The following BLVRB variants were observed in gnomAD, a reference collection of about 807,000 sequenced individuals.
BLVRB encodes flavin reductase (NADPH).
In BLVRB, 25 loss-of-function variants were observed where a neutral mutation model predicts 21.1. The ratio of observed to expected loss-of-function variants is 1.19; its 90% confidence interval spans 0.86 to 1.66. BLVRB has a LOEUF of 1.66. Ranked by LOEUF, BLVRB falls within the 40% of genes most tolerant of loss-of-function variation. BLVRB has a pLI of 0.00. For synonymous variants in BLVRB, 128 were observed against 122.2 expected (o/e 1.05, Z -0.31); for missense variants, 274 against 282.7 (o/e 0.97, Z 0.22).
At chr19:40,455,134 A>C (rs1240909267) in intron 3 of BLVRB, among the ~76,000 whole-genome samples, 4 of 152,184 alleles carry the variant, frequency 2.6e-5, no homozygotes, top group Non-Finnish European at 5.9e-5. Context: ...GGCGTGAGCC[A>C]CTGTGCCTGG....
chr19:40,458,036 C>T (rs1437330767), intron 3 of BLVRB, 119 bp downstream of exon 3: 1 of 989,998 alleles, frequency 1.0e-6, no homozygotes, highest in Non-Finnish European at 1.5e-6. Flanking sequence ...AGGCACACAG[C>T]TGGTGTTCAG....
At chr19:40,465,319 C>T (rs986983889) in intron 1 of BLVRB, among the ~76,000 whole-genome samples, 9 of 152,258 alleles carry the variant, frequency 5.9e-5, no homozygotes, top group African/African-American at 1.9e-4. Context: ...ACCACAACCA[C>T]AATAATGACA....
In BLVRB at chr19:40,447,942, T is replaced by A; in HGVS notation, c.568A>T (p.Thr190Ser). ...CTGTGTCCGTCGTACTCATCGGTGG[T>A]GAGGCAGCGCAGCATGAAATGGCCC... ...DLGHFMLRCL[T>S]TDEYDGHSTY... Residue 190 changes from threonine (T) to serine (S), a missense_variant, in exon 5 of 5, where the codon ACC becomes TCC. Transcript: ENST00000263368. The A allele has an allele frequency of 1.5e-5, 24 of 1,614,048 alleles. No individual in the cohort carries two copies. The highest frequency in any genetic ancestry group is 2.0e-5 in the Non-Finnish European group (24 of 1,180,016).
intron 4 of BLVRB, among the ~76,000 whole-genome samples, chr19:40,450,802 GTGA>G (rs1450806168): frequency 6.6e-6 from 1 of 151,326 alleles, no homozygotes; most frequent in African/African-American, 2.4e-5. Context: ...GCTTCCCAAA[GTGA>G]TGAGATTACA....
chr19:40,456,269 A>C (rs1459994261), intron 3 of BLVRB, among the ~76,000 whole-genome samples: 1 of 152,012 alleles, frequency 6.6e-6, no homozygotes, highest in Non-Finnish European at 1.5e-5. Flanking sequence ...TTCCAGATAA[A>C]AAGTTAAGCT....
chr19:40,451,253 T>C (rs540246191), intron 4 of BLVRB, 111 bp downstream of exon 4: 1 of 1,469,016 alleles, frequency 6.8e-7, no homozygotes, highest in Non-Finnish European at 9.2e-7. Context: ...CACAATATCA[T>C]AGGAAGGTTT....
chr19:40,453,228 A>G (rs571978349), intron 3 of BLVRB, among the ~76,000 whole-genome samples: 2 of 152,272 alleles, frequency 1.3e-5, no homozygotes, highest in East Asian at 3.9e-4. Context: ...TCTCGTAGCC[A>G]CATGGCTCCC....
chr19:40,448,894 C>A (rs1302022842), intron 4 of BLVRB, among the ~76,000 whole-genome samples: 2 of 151,906 alleles, frequency 1.3e-5, no homozygotes, highest in Non-Finnish European at 2.9e-5. Context: ...GAGTTTGAGA[C>A]CAGCCAACAT....
At position 40,461,690 on chromosome 19, in the gene BLVRB, T is replaced by TG. The variant is rs2079788453; in HGVS notation, c.80-3146dup. ...AATTTTTTTGTATTTTTAGTAGAGATGGGGTTTCACGATGTTAGCCAGGCT... is the reference window on the plus strand; with the variant it reads ...AATTTTTTTGTATTTTTAGTAGAGATGGGGGTTTCACGATGTTAGCCAGGCT... On this transcript the variant is annotated intron_variant, in intron 1 of 4. Coordinates refer to ENST00000263368, the MANE Select transcript of BLVRB (RefSeq NM_000713.3). 1.3e-5 allele frequency among the ~76,000 whole-genome samples: 2 copies of TG among 151,792 alleles called. 1 individual carries two copies. The highest frequency in any genetic ancestry group is 4.2e-4 in the South Asian group (2 of 4,806).
chr19:40,457,888 T>C, intron 3 of BLVRB: 1 of 475,496 alleles, frequency 2.1e-6, no homozygotes, highest in South Asian at 3.7e-5. Flanking sequence ...TCTGCCTGCC[T>C]CCCGATCCCA....
chr19:40,448,608 A>AATATATATATATATAT (rs55783717), intron 4 of BLVRB, among the ~76,000 whole-genome samples: 75 of 126,352 alleles, frequency 5.9e-4, no homozygotes, highest in Admixed American at 9.1e-4. Context: ...AACAACAACA[A>AATATATATATATATAT]ATATATATAT....
intron 1 of BLVRB, 140 bp from the exon 2 acceptor site, chr19:40,458,685 T>A: frequency 8.4e-7 from 1 of 1,189,562 alleles, no homozygotes; most frequent in East Asian, 2.6e-5. Flanking sequence ...ACATTTTTGG[T>A]TTTTTCTTTT....
intron 1 of BLVRB, among the ~76,000 whole-genome samples, chr19:40,461,795 C>T (rs770083237): frequency 1.5e-4 from 23 of 152,172 alleles, no homozygotes; most frequent in Admixed American, 1.1e-3. Flanking sequence ...CCACTGCACC[C>T]GGCCCCAACT....
At chr19:40,453,557 T>C (rs2079749867) in intron 3 of BLVRB, among the ~76,000 whole-genome samples, 1 of 152,230 alleles carries the variant, frequency 6.6e-6, no homozygotes, top group African/African-American at 2.4e-5. Flanking sequence ...ATAGAACTTT[T>C]ACCTCAAGCC....
At chr19:40,464,471 C>G (rs56082917) in intron 1 of BLVRB, among the ~76,000 whole-genome samples, 9 of 152,204 alleles carry the variant, frequency 5.9e-5, no homozygotes, top group Admixed American at 3.3e-4. Context: ...TCTGAAGCTC[C>G]CTAGGCTCCA....
At chr19:40,464,256 A>T (rs1463418995) in intron 1 of BLVRB, among the ~76,000 whole-genome samples, 2 of 147,740 alleles carry the variant, frequency 1.4e-5, no homozygotes, top group Non-Finnish European at 3.0e-5. Flanking sequence ...CAGCTAATTT[A>T]TTTTTTTTTT....
chr19:40,453,108 A>G (rs1183298746), intron 3 of BLVRB, among the ~76,000 whole-genome samples: 1 of 152,140 alleles, frequency 6.6e-6, no homozygotes, highest in African/African-American at 2.4e-5. Flanking sequence ...TGGAGGTCTT[A>G]CCAAGTTGCC....
chr19:40,452,742 G>A (rs527516764), intron 3 of BLVRB, among the ~76,000 whole-genome samples: 5 of 152,190 alleles, frequency 3.3e-5, no homozygotes, highest in Non-Finnish European at 5.9e-5. Flanking sequence ...GTGCATGCCT[G>A]TAGTCCTAGC....
intron 1 of BLVRB, among the ~76,000 whole-genome samples, chr19:40,465,269 T>C (rs989779315): frequency 1.1e-4 from 17 of 152,220 alleles, no homozygotes; most frequent in Non-Finnish European, 2.9e-5. Flanking sequence ...CAGAGCAAGC[T>C]TGGCTTAGTA....
Sources: gnomAD v4.1 joint callset for allele counts (sites outside exome capture counted in the v4.1 genomes callset) on GRCh38, gnomAD v4.1.1 for gene constraint, MANE v1.5 for transcripts, NCBI Gene and HGNC (gene_info 2026-07-23, HGNC 2026-07-21) for gene names.